The following CPLANE1 variants were observed in gnomAD, a reference collection of about 807,000 sequenced individuals.
The protein encoded by CPLANE1 is ciliogenesis and planar polarity effector complex subunit 1.
CPLANE1 carries 263 observed loss-of-function variants against 362.5 expected under a neutral mutation model. The observed-to-expected ratio is 0.73, with a 90% CI of 0.66 to 0.80. The LOEUF (loss-of-function observed/expected upper bound fraction) is 0.80. Among genes scored for constraint, CPLANE1 ranks in the 30% least tolerant of loss-of-function variants. The pLI is 0.00. For missense variants in CPLANE1, 3,461 were observed against 3,793.4 expected (o/e 0.91, Z 2.30); for synonymous variants, 1,212 against 1,302.6 (o/e 0.93, Z 1.50).
At chr5:37,154,085 C>A in intron 41 of CPLANE1, 92 bp from the exon 42 acceptor site, 1 of 1,051,456 alleles carries the variant, frequency 9.5e-7, no homozygotes, top group Non-Finnish European at 1.4e-6. Flanking sequence ...CATTTTAAAC[C>A]AACACAACAC....
At chr5:37,092,108 T>C in the CPLANE1 span, among the ~76,000 whole-genome samples, 159 of 152,288 alleles carry the variant, frequency 1.0e-3, no homozygotes, top group Middle Eastern at 0.01. Flanking sequence ...CTGGCTCTTA[T>C]CTTAGACCCG....
the CPLANE1 span, among the ~76,000 whole-genome samples, chr5:37,093,092 C>G: frequency 6.6e-6 from 1 of 152,176 alleles, no homozygotes; most frequent in Non-Finnish European, 1.5e-5. Context: ...AGGTCAGACA[C>G]AAAAGATTCA....
At chr5:37,094,189 A>G in the CPLANE1 span, among the ~76,000 whole-genome samples, 78,876 of 152,080 alleles carry the variant, frequency 0.52, 24,046 homozygotes, top group African/African-American at 0.86. Context: ...ACCCTTGGCC[A>G]GATTGACAAG....
In CPLANE1 at chr5:37,186,391, C is replaced by T. The variant is rs1783997567; in HGVS notation, c.4084G>A (p.Ala1362Thr). Residue 1362 changes from alanine to threonine, a missense_variant, in exon 24 of 53, where the codon GCA becomes ACA. Transcript: ENST00000651892. The stretch of plus-strand genomic sequence containing the variant: ...GGAAATGCTTTCACGAAAATTTCTG[C>T]TACCTTCAGAAAAAAAATTGTTTAA... ...IGELPPIRKV[A>T]EIFVKAFPYP... 4 of 1,507,206 alleles carry T rather than the reference C, an allele frequency of 2.7e-6. No homozygotes were observed. The highest frequency in any genetic ancestry group is 1.4e-5 in the African/African-American group (1 of 72,578). 93.4% of individuals were successfully genotyped at this position (1,507,206 alleles called of 1,614,324 possible).
At chr5:37,147,971 CAAAAAAAAAAA>C (rs11284644) in intron 43 of CPLANE1, among the ~76,000 whole-genome samples, 199 bp downstream of exon 43, 5 of 15,314 alleles carry the variant, frequency 3.3e-4, no homozygotes, top group Non-Finnish European at 7.3e-4. Context: ...ACTGCCTTCT[CAAAAAAAAAAA>C]AAAAAAAAAA....
At chr5:37,191,428 T>C (rs781578471) in intron 21 of CPLANE1, among the ~76,000 whole-genome samples, 53 of 152,078 alleles carry the variant, frequency 3.5e-4, no homozygotes, top group South Asian at 2.1e-4. Context: ...GCCAGCACTT[T>C]GGGAGGTAGA....
chr5:37,157,743 T>C lies in CPLANE1; in HGVS notation c.7938A>G (p.Pro2646=), dbSNP rs1236256359. Reference sequence around the variant, plus strand: ...CCATATAATGTAACTCTGCAGACGATGGAACTGCTAGATGATCGCTTTGCT... The same window carrying C: ...CCATATAATGTAACTCTGCAGACGACGGAACTGCTAGATGATCGCTTTGCT... ...IKQQSDHLAV[P]SSAELHYMAA... is the part of the protein sequence containing the mutation. Residue 2646 remains proline, a synonymous_variant, in exon 40 of 53, where the codon CCA becomes CCG. Coordinates refer to ENST00000651892, the MANE Select transcript of CPLANE1 (RefSeq NM_001384732.1). The C allele has an allele frequency of 1.2e-6, 2 of 1,613,868 alleles. No individual in the cohort carries two copies. Among genetic ancestry groups the C allele is most frequent in the East Asian group, 2.2e-5 (1 of 44,856 alleles).
At chr5:37,115,129 A>C (rs1579814669) in intron 50 of CPLANE1, 80 bp from the exon 51 acceptor site, 2 of 917,790 alleles carry the variant, frequency 2.2e-6, no homozygotes, top group African/African-American at 3.3e-5. Flanking sequence ...TTGAGGACAG[A>C]CACCTTGGTG....
intron 17 of CPLANE1, 85 bp from the exon 18 acceptor site, chr5:37,205,539 G>T: frequency 1.1e-6 from 1 of 894,482 alleles, no homozygotes; most frequent in Non-Finnish European, 1.7e-6. Flanking sequence ...AAACATGAAA[G>T]TTTAAGAAAC....
rs1160806771 is a variant in CPLANE1 at position 37,170,224 on chromosome 5, C to T, written c.6279G>A (p.Gly2093=). ...CTCTTAGGTTTGATTCTTGGCTTTC[C>T]CCTAAATGCACAGACTGAGACTGCT... is the stretch of plus-strand genomic sequence containing the variant. ...LVQQSQSVHL[G]ESQESNLRGC... The change falls in exon 33 of 53, where the codon GGG becomes GGA. Residue 2093 remains glycine, a synonymous_variant. Coordinates refer to ENST00000651892, the MANE Select transcript of CPLANE1 (RefSeq NM_001384732.1). The T allele has an allele frequency of 6.2e-7, 1 of 1,614,028 alleles. No individual in the cohort carries two copies. Among genetic ancestry groups the T allele is most frequent in the South Asian group, 1.1e-5 (1 of 91,066 alleles).
At chr5:37,241,890 A>G (rs1200514220) in intron 6 of CPLANE1, among the ~76,000 whole-genome samples, 2 of 152,008 alleles carry the variant, frequency 1.3e-5, no homozygotes, top group African/African-American at 2.4e-5. Context: ...TCGGCCTCCC[A>G]GAGTGCTGGG....
intron 15 of CPLANE1, among the ~76,000 whole-genome samples, chr5:37,217,911 C>G (rs1398338252): frequency 6.6e-6 from 1 of 151,820 alleles, no homozygotes; most frequent in Non-Finnish European, 1.5e-5. Context: ...ACCCGGGAGG[C>G]AGAGGTTGCA....
Position 37,248,445 on chromosome 5 carries a change from G to GT in CPLANE1, c.-47-701dup, listed in dbSNP as rs560388771. Reference sequence around the variant, plus strand: ...GTGCCCGGCCAAATTAGATGGGCTTGTTTTTTTGTTTTTTTAATAAAATAG... The same window carrying GT: ...GTGCCCGGCCAAATTAGATGGGCTTGTTTTTTTTGTTTTTTTAATAAAATAG... On this transcript the variant is annotated intron_variant, in intron 1 of 52. Coordinates refer to ENST00000651892, the MANE Select transcript of CPLANE1 (RefSeq NM_001384732.1). 9.9e-5 allele frequency among the ~76,000 whole-genome samples: 15 copies of GT among 152,052 alleles called. No individual in the cohort carries two copies. In the South Asian group the frequency reaches 1.0e-3, roughly 11 times the overall value.
In CPLANE1 at chr5:37,120,270, A is replaced by T; in HGVS notation, c.9256T>A (p.Tyr3086Asn). The stretch of plus-strand genomic sequence containing the variant: ...CCAAAAGACTTCCTCTTATGGATAT[A>T]ACTCGGTTTGGACATATATTTGACT... ...GKVKYMSKPS[Y>N]IHKRKSFGQP... Residue 3086 changes from tyrosine to asparagine, a missense_variant, in exon 50 of 53, where the codon TAT (tyrosine) becomes AAT (asparagine). Tyr to Asn is a moderately radical substitution (Grantham distance 143). Coordinates refer to ENST00000651892, the MANE Select transcript of CPLANE1 (RefSeq NM_001384732.1). The T allele has an allele frequency of 6.2e-7, 1 of 1,602,404 alleles. No individual in the cohort carries two copies. Among genetic ancestry groups the T allele is most frequent in the Non-Finnish European group, 8.5e-7 (1 of 1,176,406 alleles).
At position 37,187,741 on chromosome 5, in the gene CPLANE1, C is replaced by CT. The variant is rs1784453257; in HGVS notation, c.3912dup (p.Gly1305ArgfsTer6). 1 of 1,612,484 alleles carries CT rather than the reference C, an allele frequency of 6.2e-7. No individual in the cohort carries two copies. The highest frequency in any genetic ancestry group is 8.5e-7 in the Non-Finnish European group (1 of 1,179,050). On this transcript the variant is annotated frameshift_variant, in exon 22 of 53. Coordinates refer to ENST00000651892, the MANE Select transcript of CPLANE1 (RefSeq NM_001384732.1). ...TTTGCCCTGGTAAATACCTTTTCTC[C>CT]TTTTACATTTTCTCTTGCTTTCTGA...
chr5:37,203,835 T>C (rs79308126), intron 18 of CPLANE1, among the ~76,000 whole-genome samples: 8,086 of 152,216 alleles, frequency 0.053, 666 homozygotes, highest in African/African-American at 0.18. Flanking sequence ...CACATTTTTG[T>C]GTACATGAAT....
intron 43 of CPLANE1, among the ~76,000 whole-genome samples, chr5:37,146,212 T>C (rs1397992079): frequency 6.6e-6 from 1 of 151,752 alleles, no homozygotes; most frequent in Non-Finnish European, 1.5e-5. Context: ...GGAGTCTCGC[T>C]CTGTTGCCCA....
chr5:37,245,685 T>G (rs1254223329), intron 3 of CPLANE1, 25 bp downstream of exon 3: 1 of 1,476,854 alleles, frequency 6.8e-7, no homozygotes, highest in Non-Finnish European at 9.0e-7. Context: ...GTTTTAGCCA[T>G]TTGAAAATAT....
chr5:37,163,242 T>C (rs1324878704), intron 37 of CPLANE1, among the ~76,000 whole-genome samples: 4 of 152,106 alleles, frequency 2.6e-5, no homozygotes, highest in Non-Finnish European at 5.9e-5. Context: ...ACAGGTTAAA[T>C]TTAAGAATTA....
Sources: allele counts gnomAD v4.1 joint callset (sites outside exome capture counted in the v4.1 genomes callset), GRCh38; gene constraint gnomAD v4.1.1; transcripts MANE v1.5; gene names NCBI Gene and HGNC (gene_info 2026-07-23, HGNC 2026-07-21).